The following GULP1 variants were observed in gnomAD, a reference collection of about 807,000 sequenced individuals.
GULP1 encodes GULP PTB domain containing engulfment adaptor 1.
GULP1 carries 19 observed loss-of-function variants against 40.9 expected under a neutral mutation model. The observed-to-expected ratio is 0.46, with a 90% CI of 0.32 to 0.68. The LOEUF is 0.68. Ranked by LOEUF, GULP1 falls within the 30% of genes least tolerant of loss-of-function variation. GULP1 has a pLI of 0.03. For missense variants in GULP1, 312 were observed against 362.2 expected (o/e 0.86, Z 1.12); for synonymous variants, 119 against 117.6 (o/e 1.01, Z -0.08).
At chr2:188,338,495 G>A (rs909813128) in intron 1 of GULP1, among the ~76,000 whole-genome samples, 3 of 151,784 alleles carry the variant, frequency 2.0e-5, no homozygotes, top group African/African-American at 7.3e-5. Flanking sequence ...TGTAGTGACG[G>A]GGTCTTGCTC....
At chr2:188,447,140 A>G (rs1575314957) in intron 2 of GULP1, among the ~76,000 whole-genome samples, 1 of 152,344 alleles carries the variant, frequency 6.6e-6, no homozygotes, top group East Asian at 1.9e-4. Context: ...TGAAAGAGTT[A>G]TTATCAATAG....
chr2:188,414,598 C>A (rs1043638285), intron 2 of GULP1, among the ~76,000 whole-genome samples: 1 of 152,070 alleles, frequency 6.6e-6, no homozygotes, highest in Non-Finnish European at 1.5e-5. Flanking sequence ...AAAAGAATGC[C>A]GAAGCTGGAA....
intron 1 of GULP1, among the ~76,000 whole-genome samples, chr2:188,304,051 G>T (rs74873597): frequency 6.6e-6 from 1 of 152,240 alleles, no homozygotes; most frequent in African/African-American, 2.4e-5. Context: ...GTGGGTTTTT[G>T]AATGAGAATA....
At chr2:188,459,550 C>T (rs2059539983) in intron 2 of GULP1, among the ~76,000 whole-genome samples, 1 of 152,016 alleles carries the variant, frequency 6.6e-6, no homozygotes, top group African/African-American at 2.4e-5. Flanking sequence ...GTTTGACCTC[C>T]TTATATATTC....
chr2:188,368,271 C>A (rs2047070968), intron 1 of GULP1, among the ~76,000 whole-genome samples: 1 of 151,934 alleles, frequency 6.6e-6, no homozygotes, highest in Non-Finnish European at 1.5e-5. Context: ...ATTGATGGAA[C>A]CTATGAATAC....
At chr2:188,371,189 G>A (rs572303203) in intron 1 of GULP1, among the ~76,000 whole-genome samples, 60 of 152,074 alleles carry the variant, frequency 3.9e-4, no homozygotes, top group African/African-American at 1.3e-3. Context: ...ATTTCATACT[G>A]TTTATGATTT....
intron 2 of GULP1, among the ~76,000 whole-genome samples, chr2:188,396,000 G>A (rs2051199496): frequency 6.6e-6 from 1 of 152,222 alleles, no homozygotes; most frequent in Non-Finnish European, 1.5e-5. Context: ...TAGCCAGGGT[G>A]TTGCAGGCAA....
At chr2:188,590,264 A>G (rs1281077879) in intron 11 of GULP1, 3 of 152,184 alleles carry the variant, frequency 2.0e-5, no homozygotes, top group African/African-American at 4.8e-5. Flanking sequence ...ATGAGCCACC[A>G]TACTTGGCCA....
intron 2 of GULP1, among the ~76,000 whole-genome samples, chr2:188,412,215 G>C (rs899905662): frequency 6.6e-6 from 1 of 152,074 alleles, no homozygotes; most frequent in Non-Finnish European, 1.5e-5. Flanking sequence ...CCAGCAAAAG[G>C]GGGAGAAGCC....
chr2:188,592,485 T>C (rs1400100670), intron 11 of GULP1: 2 of 152,020 alleles, frequency 1.3e-5, no homozygotes, highest in African/African-American at 4.8e-5. Flanking sequence ...TATTTTGTGA[T>C]AAGAATAGAT....
intron 1 of GULP1, among the ~76,000 whole-genome samples, chr2:188,320,642 A>G (rs1574389452): frequency 6.6e-6 from 1 of 152,180 alleles, no homozygotes; most frequent in East Asian, 1.9e-4. Context: ...AAAAAAAATA[A>G]AACAAACAGG....
At chr2:188,484,336 G>GA (rs1483285003) in intron 4 of GULP1, among the ~76,000 whole-genome samples, 2 of 152,000 alleles carry the variant, frequency 1.3e-5, no homozygotes, top group Non-Finnish European at 2.9e-5. Flanking sequence ...ATTTGTTGTT[G>GA]AAAAAAATGA....
intron 1 of GULP1, among the ~76,000 whole-genome samples, chr2:188,329,726 G>T (rs1364456001): frequency 6.6e-6 from 1 of 152,106 alleles, no homozygotes; most frequent in Non-Finnish European, 1.5e-5. Flanking sequence ...AAGCAGGGAG[G>T]CCAGTTAGGA....
At chr2:188,577,332 T>C (rs1209950421) in intron 9 of GULP1, among the ~76,000 whole-genome samples, 2 of 152,066 alleles carry the variant, frequency 1.3e-5, no homozygotes, top group East Asian at 3.9e-4. Flanking sequence ...TCCTCTAGTG[T>C]TTTTTCTGCT....
At chr2:188,533,889 G>T (rs945920401) in intron 6 of GULP1, among the ~76,000 whole-genome samples, 7 of 151,746 alleles carry the variant, frequency 4.6e-5, no homozygotes, top group Non-Finnish European at 8.8e-5. Context: ...AAAATGCTCC[G>T]CATCACTAAT....
At chr2:188,557,023 CAA>C (rs1193397388) in intron 7 of GULP1, among the ~76,000 whole-genome samples, 9 of 126,416 alleles carry the variant, frequency 7.1e-5, no homozygotes, top group Admixed American at 8.1e-5. Flanking sequence ...GACTCTGTCT[CAA>C]AAAAAAAAAA....
chr2:188,460,275 G>A (rs970944522), intron 2 of GULP1, among the ~76,000 whole-genome samples: 4 of 152,042 alleles, frequency 2.6e-5, no homozygotes, highest in African/African-American at 7.2e-5. Context: ...TCCAACCCAC[G>A]AACATGGAAT....
intron 7 of GULP1, among the ~76,000 whole-genome samples, chr2:188,556,089 AAAG>A (rs1008188330): frequency 2.0e-5 from 3 of 151,964 alleles, no homozygotes; most frequent in African/African-American, 7.2e-5. Context: ...AAAGAAAAAA[AAAG>A]AAGGTTTTCA....
chr2:188,558,402 C>T (rs930837299), intron 7 of GULP1, among the ~76,000 whole-genome samples: 7 of 152,144 alleles, frequency 4.6e-5, no homozygotes, highest in African/African-American at 1.7e-4. Flanking sequence ...TTTTCGCCTC[C>T]TGCCATGATT....
Sources: gnomAD v4.1 joint callset for allele counts (sites outside exome capture counted in the v4.1 genomes callset) on GRCh38, gnomAD v4.1.1 for gene constraint, MANE v1.5 for transcripts, NCBI Gene and HGNC (gene_info 2026-07-23, HGNC 2026-07-21) for gene names.